DNAH10: variants seen among roughly 807,000 people sequenced by gnomAD.
DNAH10 encodes dynein axonemal heavy chain 10.
Under a neutral mutation model 506.6 loss-of-function variants are expected in DNAH10, and 348 were observed. That is an observed-to-expected ratio of 0.69 (90% CI 0.63 to 0.75). The LOEUF (loss-of-function observed/expected upper bound fraction) is 0.75. DNAH10 is among the 30% of genes least tolerant of loss of function. The pLI is 0.00. For synonymous variants in DNAH10, 2,059 were observed against 2,198.6 expected (o/e 0.94, Z 1.78); for missense variants, 5,179 against 5,787.1 (o/e 0.89, Z 3.41).
chr12:123,784,013 GAACA>G lies in DNAH10; in HGVS notation c.1073_1076del (p.Thr358SerfsTer4). ...AAATGCAACCTTAAGTGCGCTGCAT[GAACA>G]AACAAAGCTTCCAATAGTCAGAAAA... On this transcript the variant is annotated frameshift_variant, in exon 8 of 79. Coordinates refer to ENST00000673944, the MANE Select transcript of DNAH10 (RefSeq NM_001372106.1). LOFTEE classifies it high-confidence loss of function. 6.2e-7 allele frequency: 1 copy of G among 1,614,222 alleles called. No individual in the cohort carries two copies. Among genetic ancestry groups the G allele is most frequent in the African/African-American group, 1.3e-5 (1 of 75,058 alleles).
At chr12:123,829,185 G>C (rs545167453) in intron 25 of DNAH10, among the ~76,000 whole-genome samples, 1 of 152,194 alleles carries the variant, frequency 6.6e-6, no homozygotes, top group Non-Finnish European at 1.5e-5. Context: ...TCGAAGTTGA[G>C]GGGGAAGGTG....
At chr12:123,896,148 CAGAGAGAGAGAGAGAG>C (rs71444923) in intron 54 of DNAH10, among the ~76,000 whole-genome samples, 6 of 95,320 alleles carry the variant, frequency 6.3e-5, no homozygotes, top group South Asian at 7.4e-4. Flanking sequence ...CACACACACA[CAGAGAGAGAGAGAGAG>C]AGAGAGAGAG....
At chr12:123,934,990 C>T in intron 78 of DNAH10, 1 of 642,714 alleles carries the variant, frequency 1.6e-6, no homozygotes. Flanking sequence ...AGGTGTCAGG[C>T]TCAAGCTGTG....
At chr12:123,871,391 A>C (rs1042424941) in intron 44 of DNAH10, 66 bp from the exon 45 acceptor site, 8 of 1,539,354 alleles carry the variant, frequency 5.2e-6, no homozygotes, top group Non-Finnish European at 7.0e-6. Flanking sequence ...GGACAACTCC[A>C]TGTTGCCCCC....
chr12:123,882,751 C>T (rs546525331), intron 51 of DNAH10, among the ~76,000 whole-genome samples: 2 of 146,812 alleles, frequency 1.4e-5, no homozygotes, highest in African/African-American at 2.6e-5. Context: ...GAGGTCATGC[C>T]GCAGCACTCC....
chr12:123,823,577 G>A (rs2136437927), intron 24 of DNAH10, among the ~76,000 whole-genome samples: 1 of 152,330 alleles, frequency 6.6e-6, no homozygotes, highest in African/African-American at 2.4e-5. Flanking sequence ...CATGAGAACT[G>A]AGAACAACCA....
In DNAH10 at chr12:123,787,695, G is replaced by C. The variant is rs961417637; in HGVS notation, c.1422-109G>C. On this transcript the variant is annotated intron_variant, in intron 9 of 78. Coordinates refer to ENST00000673944, the MANE Select transcript of DNAH10 (RefSeq NM_001372106.1). This position sits in a 1 kb window ranked among gnomAD's most constrained non-coding sequence, Gnocchi z 4.6. ...TTTCCGATGAGGCCGTGAAACCAGG[G>C]GGGGCGCCCGGGTCAGAGCTTCACG... is the stretch of plus-strand genomic sequence containing the variant. 43 of 1,351,392 alleles carry C rather than the reference G, an allele frequency of 3.2e-5. No homozygotes were observed. Among genetic ancestry groups the C allele is most frequent in the Admixed American group, 1.1e-4 (5 of 43,642 alleles). 83.7% of individuals were successfully genotyped at this position (1,351,392 alleles called of 1,614,324 possible).
intron 35 of DNAH10, among the ~76,000 whole-genome samples, chr12:123,851,648 G>A (rs1448145415): frequency 2.6e-5 from 4 of 152,204 alleles, no homozygotes; most frequent in Admixed American, 6.5e-5. Flanking sequence ...AGGTGTAGAC[G>A]TTGTGTGGAT....
chr12:123,906,083 C>T (rs1443231155), intron 57 of DNAH10, among the ~76,000 whole-genome samples: 2 of 151,500 alleles, frequency 1.3e-5, no homozygotes, highest in African/African-American at 2.4e-5. Flanking sequence ...ACGCCCGCCA[C>T]GACGCCTGGC....
intron 15 of DNAH10, 61 bp from the exon 16 acceptor site, chr12:123,801,220 A>G (rs1958469737): frequency 1.3e-6 from 2 of 1,520,058 alleles, no homozygotes; most frequent in East Asian, 2.3e-5. Flanking sequence ...CTTGACCGCA[A>G]AAGCTTTTGA....
rs1292156797 is a variant in DNAH10 at position 123,853,113 on chromosome 12, C to T, written c.6292-93C>T. ...AGAGCAGCTGCACTGGAACACCTGC[C>T]CCCGTTTTCTTGCATTTGTAGAATG... On this transcript the variant is annotated intron_variant, in intron 35 of 78. Transcript: ENST00000673944. This position sits in a 1 kb window ranked among gnomAD's most constrained non-coding sequence, Gnocchi z 4.7. 1 of 1,306,886 alleles carries T rather than the reference C, an allele frequency of 7.7e-7. No individual in the cohort carries two copies. The highest frequency in any genetic ancestry group is 1.0e-6 in the Non-Finnish European group (1 of 993,830). 81.0% of individuals were successfully genotyped at this position (1,306,886 alleles called of 1,614,324 possible). A position where few individuals can be genotyped will look rare whatever the true frequency, so the allele number is the denominator to read the frequency against.
rs1210885641 is a variant in DNAH10 at position 123,853,995 on chromosome 12, G to A, written c.6438+643G>A. Among the ~76,000 whole-genome samples, 2 of 149,666 alleles carry A rather than the reference G, an allele frequency of 1.3e-5. No homozygotes were observed. The highest frequency in any genetic ancestry group is 2.1e-4 in the South Asian group (1 of 4,758). On this transcript the variant is annotated intron_variant, in intron 36 of 78. Transcript: ENST00000673944. This position sits in a 1 kb window ranked among gnomAD's most constrained non-coding sequence, Gnocchi z 4.7. ...AAAAACAGCCGTGAGTGCAGTGATA[G>A]AAGCCTGTTTGTGTCCATAGGAGGA...
rs753659982 is a variant in DNAH10 at position 123,857,195 on chromosome 12, A to G, written c.6578A>G (p.Asp2193Gly). The G allele has an allele frequency of 1.9e-6, 3 of 1,609,406 alleles. No individual in the cohort carries two copies. Among genetic ancestry groups the G allele is most frequent in the Non-Finnish European group, 1.7e-6 (2 of 1,177,858 alleles). The change falls in exon 37 of 79, where the codon GAT becomes GGT. Residue 2193 changes from aspartate (D) to glycine (G), a missense_variant. Transcript: ENST00000673944. The stretch of plus-strand genomic sequence containing the variant: ...CGCGTCCGCTACCCTGACTTCAACG[A>G]TGCGGTAGAGCAGGTCCTGGAGGAG... ...CPRVRYPDFN[D>G]AVEQVLEENG...
chr12:123,854,641 A>C (rs932837867), intron 36 of DNAH10, among the ~76,000 whole-genome samples: 2 of 152,224 alleles, frequency 1.3e-5, no homozygotes, highest in African/African-American at 4.8e-5. Context: ...TCATCCAGCA[A>C]TGTGGACTTA....
chr12:123,805,083 T>G, intron 18 of DNAH10, 43 bp downstream of exon 18: 1 of 1,595,544 alleles, frequency 6.3e-7, no homozygotes, highest in South Asian at 1.1e-5. Flanking sequence ...TGTGTGTAGA[T>G]TAAAACAGTT....
intron 55 of DNAH10, among the ~76,000 whole-genome samples, chr12:123,898,200 A>G (rs1182040061): frequency 1.3e-5 from 2 of 152,254 alleles, no homozygotes; most frequent in East Asian, 3.9e-4. Flanking sequence ...TTTTGATCAC[A>G]TTAGCAATTT....
rs1490858937 is a variant in DNAH10 at position 123,909,792 on chromosome 12, C to G, written c.9997+350C>G. On this transcript the variant is annotated intron_variant, in intron 58 of 78. Transcript: ENST00000673944. The surrounding 1 kb of genome is among the most constrained non-coding windows in gnomAD (Gnocchi z 5.4). Reference sequence around the variant, plus strand: ...GTGCTGTTCAGTGCACATGCAGAAGCCCAGAGCTAGTCTGACCTTGACTTC... The same window carrying G: ...GTGCTGTTCAGTGCACATGCAGAAGGCCAGAGCTAGTCTGACCTTGACTTC... Among the ~76,000 whole-genome samples, 1 of 152,214 alleles carries G rather than the reference C, an allele frequency of 6.6e-6. No homozygotes were observed. The highest frequency in any genetic ancestry group is 1.5e-5 in the Non-Finnish European group (1 of 68,040).
At chr12:123,866,229 C>CTTTTTTTTTTTTTTT (rs71088963) in intron 41 of DNAH10, among the ~76,000 whole-genome samples, 156 bp downstream of exon 41, 3 of 58,210 alleles carry the variant, frequency 5.2e-5, no homozygotes, top group African/African-American at 7.4e-5. Context: ...GGCAGACACA[C>CTTTTTTTTTTTTTTT]TTTTTTTTTT....
intron 44 of DNAH10, 37 bp from the exon 45 acceptor site, chr12:123,871,420 G>A (rs1217707067): frequency 2.5e-6 from 4 of 1,573,800 alleles, no homozygotes; most frequent in Non-Finnish European, 3.5e-6. Flanking sequence ...CCCTATTGGA[G>A]TTGCTGAGAT....
Sources: gnomAD v4.1 joint callset for allele counts (sites outside exome capture counted in the v4.1 genomes callset) on GRCh38, gnomAD v4.1.1 for gene constraint, Gnocchi (gnomAD v3.1) non-coding constraint, MANE v1.5 for transcripts, NCBI Gene and HGNC (gene_info 2026-07-23, HGNC 2026-07-21) for gene names.